The following VIPR2 variants were observed in gnomAD, a reference collection of about 807,000 sequenced individuals.
The protein encoded by VIPR2 is vasoactive intestinal polypeptide receptor 2.
Under a neutral mutation model 58.0 loss-of-function variants are expected in VIPR2, and 48 were observed. The ratio of observed to expected loss-of-function variants is 0.83; its 90% confidence interval spans 0.66 to 1.05. VIPR2 has a LOEUF of 1.05. Among genes scored for constraint, VIPR2 ranks in the 50% least tolerant of loss-of-function variants. VIPR2 has a pLI of 0.00. For missense variants in VIPR2, 534 were observed against 558.0 expected (o/e 0.96, Z 0.43); for synonymous variants, 243 against 235.2 (o/e 1.03, Z -0.30).
At chr7:159,036,950 C>T (rs1456279874) in intron 6 of VIPR2, 48 bp from the exon 7 acceptor site, 3 of 1,574,872 alleles carry the variant, frequency 1.9e-6, no homozygotes, top group Non-Finnish European at 2.6e-6. Flanking sequence ...CATCCGGTAA[C>T]AGCAGCTACC....
intron 10 of VIPR2, among the ~76,000 whole-genome samples, chr7:159,032,811 T>C (rs543925345): frequency 2.0e-5 from 3 of 152,102 alleles, no homozygotes; most frequent in Admixed American, 2.0e-4. Context: ...AAAGAACCAA[T>C]GCAAAGGTCA....
chr7:159,087,511 T>G (rs1173865138), intron 4 of VIPR2, among the ~76,000 whole-genome samples: 3 of 126,190 alleles, frequency 2.4e-5, no homozygotes, highest in Non-Finnish European at 5.0e-5. Flanking sequence ...AGGACTCAGA[T>G]AGTGAGATAC....
At chr7:159,135,004 G>GTTTTTTTTTTTT (rs747914292) in intron 2 of VIPR2, among the ~76,000 whole-genome samples, 737 of 65,596 alleles carry the variant, frequency 0.011, 45 homozygotes, top group Non-Finnish European at 0.016. Context: ...AATTACAAAA[G>GTTTTTTTTTTTT]TTTTTTTTTT....
chr7:159,137,740 G>A (rs1193212957), intron 2 of VIPR2, among the ~76,000 whole-genome samples: 2 of 152,086 alleles, frequency 1.3e-5, no homozygotes, highest in Admixed American at 1.3e-4. Flanking sequence ...CCAAGACGAG[G>A]AAATGACCTT....
chr7:159,043,284 A>T, intron 5 of VIPR2, 108 bp from the exon 6 acceptor site: 1 of 1,020,982 alleles, frequency 9.8e-7, no homozygotes, highest in South Asian at 2.6e-5. Flanking sequence ...AAGCACAGAA[A>T]AATAAAAGAG....
At position 159,031,367 on chromosome 7, in the gene VIPR2, C is replaced by G. The variant is rs1246867114; in HGVS notation, c.1143+461G>C. The G allele has an allele frequency of 3.0e-5, 28 of 939,148 alleles. 1 individual carries two copies. In the Admixed American group the frequency reaches 1.7e-3, roughly 58 times the overall value. 58.2% of individuals were successfully genotyped at this position (939,148 alleles called of 1,614,324 possible). A position where few individuals can be genotyped will look rare whatever the true frequency, so the allele number is the denominator to read the frequency against. ...GACGGGGCCAGGCCGTTGGAGCAGC[C>G]CGGAGACAGCCTCCCTGGCTGGGAA... On this transcript the variant is annotated intron_variant, in intron 12 of 12. Transcript: ENST00000262178. This position sits in a 1 kb window ranked among gnomAD's most constrained non-coding sequence, Gnocchi z 4.0.
In VIPR2 at chr7:159,128,730, A is replaced by T. The variant is rs1360504739; in HGVS notation, c.151+13716T>A. 6.6e-6 allele frequency among the ~76,000 whole-genome samples: 1 copy of T among 152,150 alleles called. No individual in the cohort carries two copies. The highest frequency in any genetic ancestry group is 1.5e-5 in the Non-Finnish European group (1 of 68,030). On this transcript the variant is annotated intron_variant, in intron 2 of 12. Coordinates refer to ENST00000262178, the MANE Select transcript of VIPR2 (RefSeq NM_003382.5). This position sits in a 1 kb window ranked among gnomAD's most constrained non-coding sequence, Gnocchi z 4.1. The stretch of plus-strand genomic sequence containing the variant: ...CAGGAATGCCCTAATTCCTTCCAGA[A>T]ATGACGGCTCCATGGACCTTCCTGA...
At chr7:159,103,689 A>G in intron 4 of VIPR2, 68 bp downstream of exon 4, 1 of 1,172,984 alleles carries the variant, frequency 8.5e-7, no homozygotes, top group Admixed American at 1.7e-5. Context: ...CTTGCAGGGC[A>G]GGAGGGGGCT....
Position 159,137,433 on chromosome 7 carries a change from G to T in VIPR2, c.151+5013C>A, listed in dbSNP as rs143538257. Among the ~76,000 whole-genome samples, 8 of 152,338 alleles carry T rather than the reference G, an allele frequency of 5.3e-5. No homozygotes were observed. The East Asian group carries it at 1.5e-3, about 29-fold the overall frequency. Reference sequence around the variant, plus strand: ...TTGTCTGTGTTGTCCAGGCTGGAGTGCAGTGGTGCCATCATGGCTCACTGC... The same window carrying T: ...TTGTCTGTGTTGTCCAGGCTGGAGTTCAGTGGTGCCATCATGGCTCACTGC... On this transcript the variant is annotated intron_variant, in intron 2 of 12. Coordinates refer to ENST00000262178, the MANE Select transcript of VIPR2 (RefSeq NM_003382.5).
intron 4 of VIPR2, among the ~76,000 whole-genome samples, chr7:159,065,300 G>A (rs1856018456): frequency 6.6e-6 from 1 of 152,172 alleles, no homozygotes; most frequent in Non-Finnish European, 1.5e-5. Flanking sequence ...CCCCTGCAGT[G>A]GCTGCTACAG....
At position 159,077,659 on chromosome 7, in the gene VIPR2, T is replaced by G. The variant is rs140673763; in HGVS notation, c.358-19081A>C. Among the ~76,000 whole-genome samples the G allele has an allele frequency of 1.4e-4, 22 of 152,078 alleles. No individual in the cohort carries two copies. The East Asian group carries it at 4.1e-3, about 28-fold the overall frequency. ...TTGAGGTACTACAGTGTGCCTGTTATCAGATTCTAGCCCTGTTCAATGTCT... is the reference window on the plus strand; with the variant it reads ...TTGAGGTACTACAGTGTGCCTGTTAGCAGATTCTAGCCCTGTTCAATGTCT... On this transcript the variant is annotated intron_variant, in intron 4 of 12. Transcript: ENST00000262178.
chr7:159,137,047 G>A (rs1165721468), intron 2 of VIPR2, among the ~76,000 whole-genome samples: 1 of 152,086 alleles, frequency 6.6e-6, no homozygotes. Flanking sequence ...TGCTGTGTCT[G>A]GGGTCACCAG....
chr7:159,056,937 T>A (rs577821423), intron 5 of VIPR2, among the ~76,000 whole-genome samples: 1 of 152,226 alleles, frequency 6.6e-6, no homozygotes, highest in East Asian at 1.9e-4. Flanking sequence ...AACACAGACA[T>A]GCACTTTTTT....
chr7:159,076,184 TA>T (rs1237222615), intron 4 of VIPR2, among the ~76,000 whole-genome samples: 4 of 152,124 alleles, frequency 2.6e-5, no homozygotes, highest in Non-Finnish European at 5.9e-5. Flanking sequence ...TGGGTAAACT[TA>T]AAAAAGGATA....
chr7:159,095,716 C>T lies in VIPR2; in HGVS notation c.357+8041G>A, dbSNP rs1365919009. 1.3e-5 allele frequency among the ~76,000 whole-genome samples: 2 copies of T among 152,184 alleles called. No homozygotes were observed. Among genetic ancestry groups the T allele is most frequent in the African/African-American group, 4.8e-5 (2 of 41,438 alleles). ...GTTATCCAGCCCACGGTGGTCTCCACGAGCCCCTGCTCCTGTCCAGGCTCC... is the reference window on the plus strand; with the variant it reads ...GTTATCCAGCCCACGGTGGTCTCCATGAGCCCCTGCTCCTGTCCAGGCTCC... On this transcript the variant is annotated intron_variant, in intron 4 of 12. Coordinates refer to ENST00000262178, the MANE Select transcript of VIPR2 (RefSeq NM_003382.5). This position sits in a 1 kb window ranked among gnomAD's most constrained non-coding sequence, Gnocchi z 5.2.
chr7:159,096,933 C>T lies in VIPR2; in HGVS notation c.357+6824G>A, dbSNP rs752430636. 84 of 1,550,606 alleles carry T rather than the reference C, an allele frequency of 5.4e-5. No individual in the cohort carries two copies. Among genetic ancestry groups the T allele is most frequent in the Non-Finnish European group, 6.5e-5 (74 of 1,147,074 alleles). On this transcript the variant is annotated intron_variant, in intron 4 of 12. Transcript: ENST00000262178. The surrounding 1 kb of genome is among the most constrained non-coding windows in gnomAD (Gnocchi z 5.5). ...CCATCACTCGATGAGCCAATGCCCT[C>T]GTGGCTGGCATTGAGCTTGGCACCT... is the stretch of plus-strand genomic sequence containing the variant.
intron 2 of VIPR2, among the ~76,000 whole-genome samples, chr7:159,137,756 G>A (rs1246237380): frequency 6.6e-6 from 1 of 152,120 alleles, no homozygotes; most frequent in Non-Finnish European, 1.5e-5. Context: ...ACCTTAAAGA[G>A]TTTAGAAAAT....
chr7:159,137,649 G>A (rs2129498018), intron 2 of VIPR2, among the ~76,000 whole-genome samples: 1 of 152,280 alleles, frequency 6.6e-6, no homozygotes, highest in East Asian at 1.9e-4. Context: ...GGGGTTACAG[G>A]CATGAGCCCA....
At chr7:159,080,004 C>T (rs1358411095) in intron 4 of VIPR2, among the ~76,000 whole-genome samples, 2 of 152,142 alleles carry the variant, frequency 1.3e-5, no homozygotes, top group Non-Finnish European at 2.9e-5. Flanking sequence ...AAGTCCAGGA[C>T]CAGATGGATT....
Sources: allele counts gnomAD v4.1 joint callset (sites outside exome capture counted in the v4.1 genomes callset), GRCh38; gene constraint gnomAD v4.1.1; non-coding constraint Gnocchi (gnomAD v3.1); transcripts MANE v1.5; gene names NCBI Gene and HGNC (gene_info 2026-07-23, HGNC 2026-07-21).